Variants in CIMAP2 observed in about 807,000 individuals in gnomAD.
CIMAP2 encodes the protein ciliary microtubule associated protein 2.
the CIMAP2 span, among the ~76,000 whole-genome samples, chr1:54,836,266 C>G: frequency 6.9e-6 from 1 of 145,576 alleles, no homozygotes; most frequent in Non-Finnish European, 1.5e-5. Flanking sequence ...TTCGCCCTCC[C>G]GCCTGCCTAC....
chr1:54,831,609 C>T, the CIMAP2 span, among the ~76,000 whole-genome samples: 6 of 151,428 alleles, frequency 4.0e-5, no homozygotes, highest in African/African-American at 1.2e-4. Context: ...GCCAAGATTG[C>T]GCCATTGCAC....
At chr1:54,841,623 C>T in the CIMAP2 span, 5 of 1,614,016 alleles carry the variant, frequency 3.1e-6, no homozygotes, top group East Asian at 1.1e-4. Context: ...TAGAATCAGG[C>T]TGTTTTGTTG....
chr1:54,810,745 G>A, the CIMAP2 span, among the ~76,000 whole-genome samples: 86 of 152,162 alleles, frequency 5.7e-4, no homozygotes, highest in Non-Finnish European at 9.4e-4. Context: ...ACAAAATCAC[G>A]CTTCTGACCC....
At chr1:54,815,556 C>T in the CIMAP2 span, among the ~76,000 whole-genome samples, 1 of 152,134 alleles carries the variant, frequency 6.6e-6, no homozygotes, top group Non-Finnish European at 1.5e-5. Flanking sequence ...TTCCCTTTCC[C>T]ACTCTCTTCC....
At chr1:54,841,639 G>T in the CIMAP2 span, 1 of 1,614,118 alleles carries the variant, frequency 6.2e-7, no homozygotes, top group Non-Finnish European at 8.5e-7. Context: ...TGTTGGAAAG[G>T]CCTAGAAGTC....
chr1:54,816,313 C>T, the CIMAP2 span, among the ~76,000 whole-genome samples: 1 of 152,218 alleles, frequency 6.6e-6, no homozygotes, highest in African/African-American at 2.4e-5. Context: ...CCCAGCCCAC[C>T]CCTCAGGACT....
the CIMAP2 span, among the ~76,000 whole-genome samples, chr1:54,814,219 G>A: frequency 6.6e-6 from 1 of 152,124 alleles, no homozygotes; most frequent in Non-Finnish European, 1.5e-5. Flanking sequence ...CCTGTACTCG[G>A]AGCCTACAGC....
chr1:54,820,231 G>T, the CIMAP2 span, among the ~76,000 whole-genome samples: 1 of 149,984 alleles, frequency 6.7e-6, no homozygotes, highest in African/African-American at 2.5e-5. Flanking sequence ...GCAGTGGTAT[G>T]AACATGGCTC....
At chr1:54,811,772 T>TCCCTCCCCCCCCCC in the CIMAP2 span, 1 of 454,868 alleles carries the variant, frequency 2.2e-6, no homozygotes, top group South Asian at 1.6e-5. Flanking sequence ...ACAGCCTCCA[T>TCCCTCCCCCCCCCC]GCCCCCACCC....
chr1:54,840,610 AG>A, the CIMAP2 span, among the ~76,000 whole-genome samples: 2 of 152,188 alleles, frequency 1.3e-5, no homozygotes, highest in African/African-American at 4.8e-5. Flanking sequence ...GCAACGTATG[AG>A]GGGTCTAAAG....
the CIMAP2 span, chr1:54,841,525 G>T: frequency 6.3e-7 from 1 of 1,596,662 alleles, no homozygotes; most frequent in Non-Finnish European, 8.5e-7. Flanking sequence ...ATTTTCCAGG[G>T]ACTATGATTT....
At chr1:54,815,980 C>T in the CIMAP2 span, among the ~76,000 whole-genome samples, 1 of 152,170 alleles carries the variant, frequency 6.6e-6, no homozygotes, top group Non-Finnish European at 1.5e-5. Context: ...TTGTGAGGAC[C>T]AGCTGGTTGT....
chr1:54,811,766 C>CCGGGGGGGGGGGGGCGGCG, the CIMAP2 span: 1 of 1,305,190 alleles, frequency 7.7e-7, no homozygotes, highest in Non-Finnish European at 1.1e-6. Context: ...GTTCTGACAG[C>CCGGGGGGGGGGGGGCGGCG]CTCCATGCCC....
the CIMAP2 span, among the ~76,000 whole-genome samples, chr1:54,834,388 T>C: frequency 6.6e-6 from 1 of 152,228 alleles, no homozygotes; most frequent in African/African-American, 2.4e-5. Context: ...GATAACTCCA[T>C]GAAAGGAACT....
At chr1:54,811,773 G>GACCCCCCCCCCCCCCC in the CIMAP2 span, 9 of 1,325,052 alleles carry the variant, frequency 6.8e-6, no homozygotes, top group Admixed American at 4.8e-5. Flanking sequence ...CAGCCTCCAT[G>GACCCCCCCCCCCCCCC]CCCCCACCCC....
the CIMAP2 span, chr1:54,812,131 A>G: frequency 7.4e-6 from 12 of 1,614,016 alleles, no homozygotes; most frequent in East Asian, 1.3e-4. Flanking sequence ...CGCGGCCCCT[A>G]TGACACTTTC....
At chr1:54,811,765 G>GCCGGGGGGGCGCCCCCCCCCC in the CIMAP2 span, 2 of 1,301,330 alleles carry the variant, frequency 1.5e-6, no homozygotes, top group African/African-American at 1.5e-5. Context: ...GGTTCTGACA[G>GCCGGGGGGGCGCCCCCCCCCC]CCTCCATGCC....
chr1:54,829,280 G>C, the CIMAP2 span, among the ~76,000 whole-genome samples: 3 of 152,226 alleles, frequency 2.0e-5, no homozygotes, highest in Non-Finnish European at 4.4e-5. Flanking sequence ...CCAGACCTTA[G>C]TTTTCCCATC....
At chr1:54,821,743 T>G in the CIMAP2 span, among the ~76,000 whole-genome samples, 1 of 152,170 alleles carries the variant, frequency 6.6e-6, no homozygotes, top group Non-Finnish European at 1.5e-5. Flanking sequence ...GTTAATTTTG[T>G]ATTCTGACAA....
Sources: gnomAD v4.1 joint callset for allele counts (sites outside exome capture counted in the v4.1 genomes callset) on GRCh38, gnomAD v4.1.1 for gene constraint, MANE v1.5 for transcripts, NCBI Gene and HGNC (gene_info 2026-07-23, HGNC 2026-07-21) for gene names.